The following MYH16 variants were observed in gnomAD, a reference collection of about 807,000 sequenced individuals.
MYH16 encodes myosin heavy chain 16.
intron 1 of MYH16, among the ~76,000 whole-genome samples, chr7:99,243,033 C>G (rs1364005376): frequency 6.6e-6 from 1 of 152,184 alleles, no homozygotes; most frequent in Non-Finnish European, 1.5e-5. Flanking sequence ...TCATATAATT[C>G]TCCCAGCAAC....
intron 20 of MYH16, among the ~76,000 whole-genome samples, chr7:99,273,672 T>C (rs1017741153): frequency 1.3e-5 from 2 of 151,902 alleles, no homozygotes; most frequent in African/African-American, 2.4e-5. Flanking sequence ...GGCAGGAGGA[T>C]TGCTTGAGGC....
At chr7:99,259,763 TATATATAC>T (rs1791917344) in intron 11 of MYH16, among the ~76,000 whole-genome samples, 1 of 148,190 alleles carries the variant, frequency 6.7e-6, no homozygotes, top group South Asian at 2.1e-4. Flanking sequence ...ACATACATAT[TATATATAC>T]ATATATACAC....
At chr7:99,273,374 A>G (rs28608208) in exon 20 of MYH16, 124,654 of 456,564 alleles carry the variant, frequency 0.27, 28,509 homozygotes, top group African/African-American at 0.84. Context: ...CAGAACGTGC[A>G]CAAGTTCCTG....
At chr7:99,271,345 C>T (rs1441931792) in intron 19 of MYH16, among the ~76,000 whole-genome samples, 1 of 152,134 alleles carries the variant, frequency 6.6e-6, no homozygotes, top group Admixed American at 6.5e-5. Flanking sequence ...CCCATCTCTA[C>T]AAAAAATACA....
At chr7:99,254,998 A>G (rs754849309) in intron 8 of MYH16, among the ~76,000 whole-genome samples, 18 of 152,210 alleles carry the variant, frequency 1.2e-4, no homozygotes, top group Non-Finnish European at 2.2e-4. Context: ...GCTGGGCGCA[A>G]TGGCTCACAC....
chr7:99,250,780 T>A (rs184363251), intron 5 of MYH16, among the ~76,000 whole-genome samples: 73 of 152,074 alleles, frequency 4.8e-4, no homozygotes, highest in African/African-American at 1.7e-3. Context: ...GGTTTCAGAC[T>A]GCTCAGGGGG....
chr7:99,255,150 T>C (rs1354344232), intron 8 of MYH16, among the ~76,000 whole-genome samples: 2 of 152,088 alleles, frequency 1.3e-5, no homozygotes, highest in African/African-American at 4.8e-5. Context: ...GCACCTGTAA[T>C]CCCAGCTACT....
rs575661799 is a variant in MYH16 at position 99,273,433 on chromosome 7, G to A, written n.2485+10G>A. On this transcript the variant is annotated intron_variant and non_coding_transcript_variant, in intron 20 of 41. Transcript: ENST00000439784. ...GAAGCTGTACAACAAGGTGAGGGCC[G>A]AGGGGCCAGGCCAGGGGGGACTGCT... 5.9e-5 allele frequency: 27 copies of A among 456,728 alleles called. No homozygotes were observed. The highest frequency in any genetic ancestry group is 5.0e-4 in the African/African-American group (25 of 50,202). The allele number at this position is 456,728 out of a possible 1,614,324, so 28.3% of individuals were successfully genotyped here.
intron 11 of MYH16, among the ~76,000 whole-genome samples, chr7:99,259,987 A>G (rs1791921793): frequency 1.3e-5 from 2 of 151,830 alleles, no homozygotes; most frequent in Non-Finnish European, 2.9e-5. Flanking sequence ...AGGGGAGGGA[A>G]CAGAGAGCTA....
intron 33 of MYH16, among the ~76,000 whole-genome samples, chr7:99,296,439 G>C (rs1468649188): frequency 6.6e-6 from 1 of 151,980 alleles, no homozygotes; most frequent in Non-Finnish European, 1.5e-5. Context: ...ACACCTGAGA[G>C]AATTCTAACC....
chr7:99,257,927 A>G (rs1034605959), intron 10 of MYH16, among the ~76,000 whole-genome samples: 1 of 152,292 alleles, frequency 6.6e-6, no homozygotes, highest in African/African-American at 2.4e-5. Context: ...AATCGCAGGC[A>G]TAAGCCACTG....
At chr7:99,267,177 G>A (rs922387502) in intron 18 of MYH16, among the ~76,000 whole-genome samples, 1 of 152,202 alleles carries the variant, frequency 6.6e-6, no homozygotes, top group African/African-American at 2.4e-5. Flanking sequence ...GAGGCAACAC[G>A]CATAGAACTC....
intron 36 of MYH16, among the ~76,000 whole-genome samples, chr7:99,298,805 T>C (rs1367627475): frequency 6.7e-6 from 1 of 150,144 alleles, no homozygotes; most frequent in Non-Finnish European, 1.5e-5. Flanking sequence ...TTAGAGTACA[T>C]GTGCACATTG....
Position 99,297,822 on chromosome 7 carries a change from G to A in MYH16, n.4636+26G>A, listed in dbSNP as rs762748827. Reference sequence around the variant, plus strand: ...GTAACCATGGGGTCATCACCTTGGGGACTGTGGACCCTTGGCCAGGCACTG... The same window carrying A: ...GTAACCATGGGGTCATCACCTTGGGAACTGTGGACCCTTGGCCAGGCACTG... On this transcript the variant is annotated intron_variant and non_coding_transcript_variant, in intron 35 of 41. Transcript: ENST00000439784. The A allele has an allele frequency of 1.2e-4, 54 of 456,718 alleles. 1 individual carries two copies. Among genetic ancestry groups the A allele is most frequent in the South Asian group, 7.3e-4 (47 of 64,570 alleles). 28.3% of individuals were successfully genotyped at this position (456,718 alleles called of 1,614,324 possible).
At chr7:99,299,067 AAAAAATAAAAAAT>A (rs2150834715) in intron 36 of MYH16, among the ~76,000 whole-genome samples, 2 of 137,974 alleles carry the variant, frequency 1.4e-5, no homozygotes, top group Admixed American at 1.4e-4. Context: ...CTCTACAAAA[AAAAAATAAAAAAT>A]AAAAATAAAA....
intron 19 of MYH16, among the ~76,000 whole-genome samples, chr7:99,272,066 C>T (rs913516371): frequency 4.6e-5 from 7 of 152,214 alleles, no homozygotes; most frequent in Non-Finnish European, 7.3e-5. Flanking sequence ...ATGACCACCT[C>T]ATCTTAACTA....
chr7:99,260,168 A>G (rs1791924112), exon 12 of MYH16: 2 of 1,606,994 alleles, frequency 1.2e-6, no homozygotes, highest in African/African-American at 1.3e-5. Context: ...CCACAGTTCA[A>G]CAGCTTTGAG....
intron 28 of MYH16, among the ~76,000 whole-genome samples, chr7:99,286,886 T>G (rs987762800): frequency 1.4e-4 from 21 of 151,746 alleles, no homozygotes; most frequent in African/African-American, 5.1e-4. Context: ...CCCAGGGAGG[T>G]TGAGGCTGTG....
At chr7:99,277,175 A>G (rs940243623) in intron 20 of MYH16, among the ~76,000 whole-genome samples, 1 of 151,828 alleles carries the variant, frequency 6.6e-6, no homozygotes, top group African/African-American at 2.4e-5. Context: ...GAGGGAGGGG[A>G]CCCCAAGGCT....
Sources: gnomAD v4.1 joint callset for allele counts (sites outside exome capture counted in the v4.1 genomes callset) on GRCh38, gnomAD v4.1.1 for gene constraint, MANE v1.5 for transcripts, NCBI Gene and HGNC (gene_info 2026-07-23, HGNC 2026-07-21) for gene names.